The following SGPL1 variants were observed in gnomAD, a reference collection of about 807,000 sequenced individuals.
The protein encoded by SGPL1 is sphingosine-1-phosphate lyase 1.
In SGPL1, 37 loss-of-function variants were observed where a neutral mutation model predicts 68.9. That is an observed-to-expected ratio of 0.54 (90% CI 0.41 to 0.71). The LOEUF is 0.71. Ranked by LOEUF, SGPL1 falls within the 30% of genes least tolerant of loss-of-function variation. The probability of loss-of-function intolerance (pLI) is 0.00; values close to 1 mark genes in which losing one functional copy is unlikely to be tolerated. For synonymous variants in SGPL1, 236 were observed against 248.5 expected (o/e 0.95, Z 0.47); for missense variants, 551 against 704.6 (o/e 0.78, Z 2.47).
In SGPL1 at chr10:70,857,601, C is replaced by A. The variant is rs1427723492; in HGVS notation, c.410-13C>A. The A allele has an allele frequency of 1.2e-6, 2 of 1,610,080 alleles. No homozygotes were observed. The highest frequency in any genetic ancestry group is 2.7e-5 in the African/African-American group (2 of 74,836). On this transcript the variant is annotated splice_polypyrimidine_tract_variant and intron_variant, in intron 5 of 14. Transcript: ENST00000373202. The stretch of plus-strand genomic sequence containing the variant: ...TCTTGCTTACTGACCAGTGACCTTA[C>A]CTTTCTCTGCAGACGCCTTCTGGCA...
chr10:70,855,236 A>G (rs1329859091), intron 5 of SGPL1, among the ~76,000 whole-genome samples: 2 of 152,266 alleles, frequency 1.3e-5, no homozygotes, highest in Admixed American at 6.5e-5. Flanking sequence ...ACTATCAAAG[A>G]TAAACAGATG....
At chr10:70,825,713 G>A (rs1292259958) in intron 2 of SGPL1, among the ~76,000 whole-genome samples, 1 of 152,182 alleles carries the variant, frequency 6.6e-6, no homozygotes, top group South Asian at 2.1e-4. Flanking sequence ...CCTGTCAGGA[G>A]TGAGTGCTAC....
At chr10:70,865,075 A>G (rs1266447206) in intron 7 of SGPL1, among the ~76,000 whole-genome samples, 3 of 151,958 alleles carry the variant, frequency 2.0e-5, no homozygotes, top group Non-Finnish European at 4.4e-5. Context: ...AAATAAGGAA[A>G]CCCCCTCAGC....
intron 2 of SGPL1, among the ~76,000 whole-genome samples, chr10:70,836,381 T>A (rs75686247): frequency 0.011 from 1,744 of 152,350 alleles, 26 homozygotes; most frequent in African/African-American, 0.039. Flanking sequence ...AATTCAGCTC[T>A]GAGTGTGAAG....
At chr10:70,831,809 C>T (rs1440901276) in intron 2 of SGPL1, among the ~76,000 whole-genome samples, 3 of 152,176 alleles carry the variant, frequency 2.0e-5, no homozygotes, top group African/African-American at 7.2e-5. Context: ...ACCGGAAACC[C>T]AGCAAGGCCT....
At chr10:70,847,438 C>A (rs141711557) in intron 3 of SGPL1, among the ~76,000 whole-genome samples, 1,834 of 152,254 alleles carry the variant, frequency 0.012, 27 homozygotes, top group Middle Eastern at 0.027. Context: ...CCTGAGCCAC[C>A]ATGCCCAGCT....
intron 3 of SGPL1, 76 bp downstream of exon 3, chr10:70,844,714 A>G: frequency 7.5e-7 from 1 of 1,334,916 alleles, no homozygotes. Context: ...AGATAGGACT[A>G]ATTTATTGCC....
intron 2 of SGPL1, among the ~76,000 whole-genome samples, chr10:70,829,815 GT>G (rs1366479765): frequency 1.3e-5 from 2 of 152,288 alleles, no homozygotes; most frequent in African/African-American, 4.8e-5. Context: ...GTGGTGAGGT[GT>G]CAGTTCAGGG....
At chr10:70,817,385 T>A (rs1219155676) in intron 2 of SGPL1, among the ~76,000 whole-genome samples, 1 of 152,202 alleles carries the variant, frequency 6.6e-6, no homozygotes, top group Non-Finnish European at 1.5e-5. Flanking sequence ...ATCAATACAG[T>A]ATATGTAGAA....
At chr10:70,863,152 A>G (rs1372868734) in intron 7 of SGPL1, among the ~76,000 whole-genome samples, 1 of 151,572 alleles carries the variant, frequency 6.6e-6, no homozygotes, top group African/African-American at 2.4e-5. Context: ...ATGCCTCGCT[A>G]ATTTTTGTAT....
chr10:70,856,365 A>T (rs1186710774), intron 5 of SGPL1, among the ~76,000 whole-genome samples: 1 of 152,174 alleles, frequency 6.6e-6, no homozygotes, highest in Non-Finnish European at 1.5e-5. Flanking sequence ...ACAAAATTTG[A>T]TATAGTCTAG....
At chr10:70,873,911 A>G (rs867075403) in intron 12 of SGPL1, among the ~76,000 whole-genome samples, 1 of 152,184 alleles carries the variant, frequency 6.6e-6, no homozygotes, top group Non-Finnish European at 1.5e-5. Flanking sequence ...GTGATTCCCA[A>G]ACTTGAGCAT....
At chr10:70,849,407 C>T (rs1200382226) in intron 3 of SGPL1, among the ~76,000 whole-genome samples, 1 of 152,148 alleles carries the variant, frequency 6.6e-6, no homozygotes, top group East Asian at 1.9e-4. Flanking sequence ...TTACATTATA[C>T]AGAATCTCAG....
Position 70,863,681 on chromosome 10 carries a change from G to A in SGPL1, c.615+4182G>A, listed in dbSNP as rs148439893. Reference sequence around the variant, plus strand: ...TTAGCTTGTCATTTTGTACCACAGAGGTAGTGTGAATTCTGACCACAAACT... The same window carrying A: ...TTAGCTTGTCATTTTGTACCACAGAAGTAGTGTGAATTCTGACCACAAACT... On this transcript the variant is annotated intron_variant, in intron 7 of 14. Coordinates refer to ENST00000373202, the MANE Select transcript of SGPL1 (RefSeq NM_003901.4). Among the ~76,000 whole-genome samples the A allele has an allele frequency of 4.5e-3, 689 of 152,244 alleles. 6 individuals are homozygous for A. Among genetic ancestry groups the A allele is most frequent in the African/African-American group, 0.016 (651 of 41,552 alleles).
chr10:70,872,950 AG>A (rs772507252), intron 11 of SGPL1, among the ~76,000 whole-genome samples: 13 of 152,214 alleles, frequency 8.5e-5, no homozygotes, highest in Non-Finnish European at 1.8e-4. Flanking sequence ...AAAGATGGGA[AG>A]GGGGTCAGAT....
intron 12 of SGPL1, 82 bp from the exon 13 acceptor site, chr10:70,875,320 G>A: frequency 1.1e-6 from 1 of 892,810 alleles, no homozygotes; most frequent in Admixed American, 2.0e-5. Flanking sequence ...GGAAGACTTT[G>A]AATGATTAAA....
At chr10:70,819,769 G>A (rs1033059546) in intron 2 of SGPL1, among the ~76,000 whole-genome samples, 3 of 151,800 alleles carry the variant, frequency 2.0e-5, no homozygotes, top group Admixed American at 1.3e-4. Flanking sequence ...TAGCTGGGAC[G>A]ACAGGCACAT....
chr10:70,827,128 A>G (rs940866386), intron 2 of SGPL1, among the ~76,000 whole-genome samples: 10 of 152,244 alleles, frequency 6.6e-5, no homozygotes, highest in Admixed American at 3.3e-4. Flanking sequence ...GGCCAATACA[A>G]TTTATACCAC....
chr10:70,852,852 C>A (rs1845909686), intron 4 of SGPL1, among the ~76,000 whole-genome samples: 1 of 152,190 alleles, frequency 6.6e-6, no homozygotes, highest in Non-Finnish European at 1.5e-5. Flanking sequence ...AGACCAAATC[C>A]TTCCTCTCAT....
Sources: allele counts gnomAD v4.1 joint callset (sites outside exome capture counted in the v4.1 genomes callset), GRCh38; gene constraint gnomAD v4.1.1; transcripts MANE v1.5; gene names NCBI Gene and HGNC (gene_info 2026-07-23, HGNC 2026-07-21).